Variants in DNM3 observed in about 807,000 individuals in gnomAD.
DNM3 encodes the protein dynamin 3, also known as dynamin-3.
In DNM3, 47 loss-of-function variants were observed where a neutral mutation model predicts 101.6. That is an observed-to-expected ratio of 0.46 (90% CI 0.37 to 0.59). The LOEUF (loss-of-function observed/expected upper bound fraction) is 0.59. DNM3 is among the 20% of genes least tolerant of loss of function. The probability of loss-of-function intolerance (pLI) is 0.00; values close to 1 mark genes in which losing one functional copy is unlikely to be tolerated. For synonymous variants in DNM3, 385 were observed against 387.9 expected, an observed-to-expected ratio of 0.99 and a Z score of 0.09; for missense variants, 849 against 1,085.7, an observed-to-expected ratio of 0.78 and a Z score of 3.06.
At chr1:172,058,942 T>C (rs574658932) in intron 10 of DNM3, among the ~76,000 whole-genome samples, 38 of 152,074 alleles carry the variant, frequency 2.5e-4, no homozygotes, top group South Asian at 6.2e-4. Flanking sequence ...ATTGATAGAC[T>C]GCTAGCAAGA....
At chr1:172,055,486 A>G (rs1015228154) in intron 10 of DNM3, among the ~76,000 whole-genome samples, 2 of 151,996 alleles carry the variant, frequency 1.3e-5, no homozygotes, top group African/African-American at 4.8e-5. Flanking sequence ...TCTTTGCAGT[A>G]TATATTACTA....
chr1:172,083,066 A>G (rs2053271464), intron 12 of DNM3, among the ~76,000 whole-genome samples: 5 of 152,180 alleles, frequency 3.3e-5, no homozygotes, highest in Admixed American at 2.6e-4. Context: ...CTTGATAGGT[A>G]TTTGCTGCAC....
intron 15 of DNM3, among the ~76,000 whole-genome samples, chr1:172,261,429 A>T (rs2062642117): frequency 6.6e-6 from 1 of 152,218 alleles, no homozygotes. Flanking sequence ...CTTAGAATGC[A>T]GTTGTTATTA....
intron 14 of DNM3, among the ~76,000 whole-genome samples, chr1:172,178,979 T>G (rs1416740280): frequency 6.6e-6 from 1 of 151,948 alleles, no homozygotes; most frequent in Non-Finnish European, 1.5e-5. Context: ...ATATAAGGAA[T>G]GCTTTGAACT....
chr1:172,061,408 T>C (rs1572329076), intron 10 of DNM3, among the ~76,000 whole-genome samples: 1 of 150,812 alleles, frequency 6.6e-6, no homozygotes, highest in Non-Finnish European at 1.5e-5. Flanking sequence ...TGTATGTTTA[T>C]TGCAGCACTA....
intron 2 of DNM3, among the ~76,000 whole-genome samples, chr1:171,978,039 G>A (rs757116631): frequency 6.6e-6 from 1 of 151,924 alleles, no homozygotes; most frequent in African/African-American, 2.4e-5. Context: ...CTCCTCCAAG[G>A]TTTATTTGTT....
chr1:171,853,619 A>G (rs571556989), intron 1 of DNM3, among the ~76,000 whole-genome samples: 1 of 152,286 alleles, frequency 6.6e-6, no homozygotes, highest in East Asian at 1.9e-4. Flanking sequence ...TATCTAACAC[A>G]TCTTGTAATT....
chr1:172,171,279 C>G (rs1213236985), intron 14 of DNM3, among the ~76,000 whole-genome samples: 1 of 151,628 alleles, frequency 6.6e-6, no homozygotes, highest in Non-Finnish European at 1.5e-5. Context: ...ACTATTTTGA[C>G]TTTTGGGGAC....
intron 2 of DNM3, among the ~76,000 whole-genome samples, chr1:171,953,542 C>T (rs2042665932): frequency 6.6e-6 from 1 of 151,886 alleles, no homozygotes; most frequent in African/African-American, 2.4e-5. Flanking sequence ...ATTCTCCTGC[C>T]TCAGCCTCCC....
At chr1:172,383,678 T>G (rs1237444638) in intron 18 of DNM3, among the ~76,000 whole-genome samples, 1 of 152,140 alleles carries the variant, frequency 6.6e-6, no homozygotes, top group Non-Finnish European at 1.5e-5. Flanking sequence ...GTCTCAGTCA[T>G]AGAAAAGAAG....
intron 16 of DNM3, among the ~76,000 whole-genome samples, chr1:172,320,397 G>GAA (rs11345178): frequency 1.4e-5 from 2 of 139,440 alleles, no homozygotes; most frequent in African/African-American, 5.2e-5. Context: ...ATAAAAAAAA[G>GAA]AAAAAAAAAA....
At chr1:171,894,540 G>T in intron 1 of DNM3, among the ~76,000 whole-genome samples, 1 of 152,056 alleles carries the variant, frequency 6.6e-6, no homozygotes, top group South Asian at 2.1e-4. Context: ...GAGTAGCTGG[G>T]ATTACAGGTG....
chr1:172,048,431 T>C (rs2049970568), intron 9 of DNM3, among the ~76,000 whole-genome samples, 181 bp from the exon 10 acceptor site: 1 of 152,240 alleles, frequency 6.6e-6, no homozygotes, highest in African/African-American at 2.4e-5. Context: ...AAATTACAGT[T>C]AAATATTAGT....
At chr1:172,227,271 G>GAGATATATATAT (rs1553200054) in intron 14 of DNM3, among the ~76,000 whole-genome samples, 11 of 78,034 alleles carry the variant, frequency 1.4e-4, no homozygotes, top group African/African-American at 4.7e-4. Flanking sequence ...AGTATTTTGT[G>GAGATATATATAT]ATATATATAT....
intron 17 of DNM3, among the ~76,000 whole-genome samples, chr1:172,331,085 C>T (rs926779334): frequency 2.0e-5 from 3 of 152,130 alleles, no homozygotes; most frequent in African/African-American, 7.2e-5. Context: ...CATTCATTGC[C>T]TATTGCTTTC....
Position 172,387,140 on chromosome 1 carries a change from A to G in DNM3, c.2066A>G (p.Asp689Gly). The G allele has an allele frequency of 6.2e-7, 1 of 1,613,366 alleles. No individual in the cohort carries two copies. The highest frequency in any genetic ancestry group is 8.5e-7 in the Non-Finnish European group (1 of 1,179,410). ...IMHLMINNVKDFINSELLAQL... is the reference protein window; with the variant it reads ...IMHLMINNVKGFINSELLAQL... ...TCTGTGGTGATCTGACAGGTTAAAG[A>G]TTTCATAAATTCCGAGCTCCTAGCA... The change falls in exon 19 of 21, where the codon GAT (aspartate) becomes GGT (glycine). Residue 689 changes from aspartate (D) to glycine (G), a missense_variant. Transcript: ENST00000627582.
intron 11 of DNM3, among the ~76,000 whole-genome samples, chr1:172,076,879 C>T (rs926012000): frequency 1.3e-5 from 2 of 152,122 alleles, no homozygotes; most frequent in African/African-American, 4.8e-5. Flanking sequence ...GGAATAGTTT[C>T]AGAAGGAATA....
chr1:172,189,198 A>G (rs1005620081), intron 14 of DNM3, among the ~76,000 whole-genome samples: 1 of 151,824 alleles, frequency 6.6e-6, no homozygotes, highest in African/African-American at 2.4e-5. Flanking sequence ...CTGGGCTCTT[A>G]TGTTGTTCCG....
intron 17 of DNM3, among the ~76,000 whole-genome samples, chr1:172,341,896 C>T (rs2066702817): frequency 6.6e-6 from 1 of 151,988 alleles, no homozygotes; most frequent in Admixed American, 6.6e-5. Context: ...ACTTCTTAAA[C>T]AAATTTACAA....
Sources: gnomAD v4.1 joint callset for allele counts (sites outside exome capture counted in the v4.1 genomes callset) on GRCh38, gnomAD v4.1.1 for gene constraint, MANE v1.5 for transcripts, NCBI Gene and HGNC (gene_info 2026-07-23, HGNC 2026-07-21) for gene names.